Variants in BRD9 observed in about 807,000 individuals in gnomAD.
The protein encoded by BRD9 is bromodomain-containing protein 9.
BRD9 carries 47 observed loss-of-function variants against 68.7 expected under a neutral mutation model. The observed-to-expected ratio is 0.68, with a 90% CI of 0.54 to 0.87. The LOEUF (loss-of-function observed/expected upper bound fraction) is 0.87. BRD9 is among the 40% of genes least tolerant of loss of function. The pLI, the probability that BRD9 is intolerant of heterozygous loss-of-function variation, is 0.00. For synonymous variants in BRD9, 313 were observed against 293.9 expected, an observed-to-expected ratio of 1.06 and a Z score of -0.67; for missense variants, 670 against 748.4, an observed-to-expected ratio of 0.90 and a Z score of 1.22.
intron 7 of BRD9, among the ~76,000 whole-genome samples, chr5:884,299 A>G (rs1752234480): frequency 1.3e-5 from 2 of 152,192 alleles, no homozygotes; most frequent in Non-Finnish European, 2.9e-5. Flanking sequence ...AAGTAGACAG[A>G]CTTCCTATTT....
At chr5:887,036 G>A (rs1303411555) in intron 6 of BRD9, 4 of 519,904 alleles carry the variant, frequency 7.7e-6, no homozygotes, top group Non-Finnish European at 1.4e-5. Context: ...GGCCAAGGAA[G>A]ACAAGGATGT....
intron 1 of BRD9, chr5:892,277 G>A (rs1489792990): frequency 8.2e-6 from 4 of 489,526 alleles, no homozygotes; most frequent in Admixed American, 8.2e-5. Context: ...GGAGAGGGAG[G>A]GAAAGGCGGG....
chr5:874,881 T>C (rs1685659153), intron 12 of BRD9, among the ~76,000 whole-genome samples: 1 of 152,210 alleles, frequency 6.6e-6, no homozygotes, highest in African/African-American at 2.4e-5. Flanking sequence ...GTCGGTGCCA[T>C]GTGAGATAAC....
chr5:889,552 C>G (rs368564989), intron 4 of BRD9, 35 bp downstream of exon 4: 4 of 1,610,176 alleles, frequency 2.5e-6, no homozygotes, highest in Non-Finnish European at 3.4e-6. Context: ...CCACACCCCC[C>G]CAGACACTAG....
At chr5:864,714 G>A in intron 15 of BRD9, 146 bp from the exon 16 acceptor site, 2 of 647,334 alleles carry the variant, frequency 3.1e-6, no homozygotes, top group Non-Finnish European at 5.3e-6. Flanking sequence ...TCCCTGCCAA[G>A]GAGAGCTGTG....
chr5:885,501 C>T (rs976133982), intron 7 of BRD9, among the ~76,000 whole-genome samples: 2 of 152,244 alleles, frequency 1.3e-5, no homozygotes, highest in African/African-American at 2.4e-5. Context: ...GTGACCATCA[C>T]AATTGCCTCA....
intron 14 of BRD9, 123 bp downstream of exon 14, chr5:870,350 G>A (rs1044931708): frequency 4.7e-5 from 35 of 742,240 alleles, no homozygotes; most frequent in South Asian, 2.1e-4. Context: ...ACCAAATACC[G>A]TAACAAAAGA....
At chr5:881,285 T>C (rs1435893163) in intron 8 of BRD9, 103 bp from the exon 9 acceptor site, 54 of 1,142,620 alleles carry the variant, frequency 4.7e-5, no homozygotes, top group Non-Finnish European at 6.5e-5. Context: ...GAAAGCACAT[T>C]TGTCCAAGAA....
Position 887,486 on chromosome 5 carries a change from G to A in BRD9, c.607-15C>T. 1 of 1,593,552 alleles carries A rather than the reference G, an allele frequency of 6.3e-7. No individual in the cohort carries two copies. The highest frequency in any genetic ancestry group is 1.3e-5 in the African/African-American group (1 of 74,504). On this transcript the variant is annotated splice_polypyrimidine_tract_variant and intron_variant, in intron 5 of 15. Transcript: ENST00000467963. The stretch of plus-strand genomic sequence containing the variant: ...TTGAAATCTGCCTGAAAAGAAAACA[G>A]GAAAGACTTATCAGGTTTGAAATGC...
intron 7 of BRD9, among the ~76,000 whole-genome samples, chr5:884,349 A>C (rs1752245315): frequency 6.6e-6 from 1 of 152,264 alleles, no homozygotes; most frequent in African/African-American, 2.4e-5. Context: ...CTTTAGCAAC[A>C]AAAGCAACAA....
chr5:865,340 C>T, intron 15 of BRD9, 74 bp downstream of exon 15: 3 of 1,475,364 alleles, frequency 2.0e-6, no homozygotes, highest in Non-Finnish European at 1.8e-6. Context: ...ACAATGCTGC[C>T]CACTACCTCG....
intron 3 of BRD9, chr5:889,979 A>G: frequency 2.8e-6 from 1 of 354,694 alleles, no homozygotes; most frequent in South Asian, 2.2e-5. Context: ...CTGGACATAA[A>G]GGTTGATCCT....
chr5:876,398 A>G (rs561175807), intron 11 of BRD9, among the ~76,000 whole-genome samples, 186 bp from the exon 12 acceptor site: 3 of 152,364 alleles, frequency 2.0e-5, no homozygotes, highest in African/African-American at 7.2e-5. Flanking sequence ...CCATGACCCA[A>G]AAAGGTTAAA....
Position 864,006 on chromosome 5 carries a change from T to TG in BRD9, c.*461dup, listed in dbSNP as rs1748974773. 1 of 156,448 alleles carries TG rather than the reference T, an allele frequency of 6.4e-6. No individual in the cohort carries two copies. The highest frequency in any genetic ancestry group is 1.4e-5 in the Non-Finnish European group (1 of 70,494). The allele number at this position is 156,448 out of a possible 1,614,324, so 9.7% of individuals were successfully genotyped here. On this transcript the variant is annotated 3_prime_UTR_variant, in exon 16 of 16. Transcript: ENST00000467963. ...CCTCCCAAGAGCGACCCCAGGACAG[T>TG]GGGGCAGACAGAGGTGTCTACACTG...
chr5:877,295 G>A (rs1280380150), intron 11 of BRD9, among the ~76,000 whole-genome samples: 1 of 152,220 alleles, frequency 6.6e-6, no homozygotes, highest in Non-Finnish European at 1.5e-5. Context: ...AGGGCTGGCG[G>A]GAGGGTGGGG....
At chr5:886,813 C>G (rs376500207) in intron 6 of BRD9, 106 bp from the exon 7 acceptor site, 186 of 1,579,602 alleles carry the variant, frequency 1.2e-4, no homozygotes, top group Middle Eastern at 1.9e-4. Context: ...CTCTCCCTCA[C>G]AGCCAGGGTG....
intron 3 of BRD9, 24 bp downstream of exon 3, chr5:891,131 G>C (rs549082364): frequency 6.5e-7 from 1 of 1,537,186 alleles, no homozygotes; most frequent in African/African-American, 1.4e-5. Flanking sequence ...AACACCAGGA[G>C]AGTCTCTAAA....
rs1166868760 is a variant in BRD9, at chr5:891,229, T to C, written c.326A>G (p.Asp109Gly). 3.2e-6 allele frequency: 5 copies of C among 1,551,814 alleles called. No individual in the cohort carries two copies. Among genetic ancestry groups the C allele is most frequent in the Non-Finnish European group, 4.4e-6 (5 of 1,147,058 alleles). ...EHCDTEGEADDFDPGKKVEVE... is the reference protein window; with the variant it reads ...EHCDTEGEADGFDPGKKVEVE... ...CTCCACCTTCTTCCCAGGATCAAAG[T>C]CGTCAGCCTCTCCCTCCGTGTCACA... Residue 109 changes from aspartate (D) to glycine (G), a missense_variant, in exon 3 of 16, where the codon GAC (aspartate) becomes GGC (glycine). Asp to Gly is a moderately conservative substitution (Grantham distance 94). Coordinates refer to ENST00000467963, the MANE Select transcript of BRD9 (RefSeq NM_023924.5).
At chr5:881,623 G>A (rs1751777183) in intron 8 of BRD9, 1 of 240,336 alleles carries the variant, frequency 4.2e-6, no homozygotes. Flanking sequence ...CCAGGAAGAG[G>A]AGGCACTGGT....
Sources: allele counts gnomAD v4.1 joint callset (sites outside exome capture counted in the v4.1 genomes callset), GRCh38; gene constraint gnomAD v4.1.1; transcripts MANE v1.5; gene names NCBI Gene and HGNC (gene_info 2026-07-23, HGNC 2026-07-21).